Variants in EPN2 observed in about 807,000 individuals in gnomAD.
The protein encoded by EPN2 is epsin-2.
EPN2 carries 34 observed loss-of-function variants against 61.7 expected under a neutral mutation model. That is an observed-to-expected ratio of 0.55 (90% CI 0.42 to 0.73). The LOEUF (loss-of-function observed/expected upper bound fraction) is 0.73, where lower values mean the gene tolerates loss of function less well. EPN2 is among the 30% of genes least tolerant of loss of function. The pLI, the probability that EPN2 is intolerant of heterozygous loss-of-function variation, is 0.00. For missense variants in EPN2, 714 were observed against 839.2 expected, an observed-to-expected ratio of 0.85 and a Z score of 1.84; for synonymous variants, 349 against 353.6, an observed-to-expected ratio of 0.99 and a Z score of 0.15.
At chr17:19,252,079 C>T (rs2045021772) in intron 1 of EPN2, among the ~76,000 whole-genome samples, 1 of 152,102 alleles carries the variant, frequency 6.6e-6, no homozygotes, top group Non-Finnish European at 1.5e-5. Context: ...GTTGCTGCTG[C>T]TCAAGAAGTT....
chr17:19,302,876 C>G (rs762189741), intron 4 of EPN2, among the ~76,000 whole-genome samples: 1 of 152,172 alleles, frequency 6.6e-6, no homozygotes, highest in Non-Finnish European at 1.5e-5. Context: ...CTTGAGGGCC[C>G]GTGCTCTCGT....
chr17:19,325,596 A>G (rs1374770305), intron 7 of EPN2, among the ~76,000 whole-genome samples: 2 of 152,246 alleles, frequency 1.3e-5, no homozygotes, highest in Non-Finnish European at 2.9e-5. Flanking sequence ...GGGCTTCTAA[A>G]AGGAAAAAAG....
chr17:19,325,119 C>G (rs752926004), intron 7 of EPN2, among the ~76,000 whole-genome samples: 2 of 152,140 alleles, frequency 1.3e-5, no homozygotes, highest in Admixed American at 6.5e-5. Context: ...ATTTAAAAAT[C>G]CTCCCCTTCT....
intron 1 of EPN2, chr17:19,280,117 G>A (rs2045346386): frequency 6.6e-6 from 1 of 152,334 alleles, no homozygotes; most frequent in African/African-American, 2.4e-5. Flanking sequence ...AGGATTACAG[G>A]TGTGAGCCAC....
intron 7 of EPN2, among the ~76,000 whole-genome samples, chr17:19,320,153 T>A (rs573483987): frequency 6.6e-6 from 1 of 152,230 alleles, no homozygotes; most frequent in African/African-American, 2.4e-5. Context: ...CAAACTCTTA[T>A]GTATTTTTGA....
At chr17:19,302,854 C>A (rs1905598212) in intron 4 of EPN2, among the ~76,000 whole-genome samples, 1 of 152,196 alleles carries the variant, frequency 6.6e-6, no homozygotes, top group African/African-American at 2.4e-5. Context: ...CAGATCTGAG[C>A]CCAGGCATGG....
At chr17:19,333,536 G>A (rs958602439) in intron 10 of EPN2, among the ~76,000 whole-genome samples, 2 of 152,200 alleles carry the variant, frequency 1.3e-5, no homozygotes, top group Non-Finnish European at 2.9e-5. Flanking sequence ...TGTCATATGT[G>A]GATCCCTGGG....
intron 4 of EPN2, chr17:19,308,688 C>G: frequency 2.0e-6 from 2 of 985,210 alleles, no homozygotes; most frequent in Non-Finnish European, 2.4e-6. Flanking sequence ...GCAGTAGCTC[C>G]AAATCTCTCA....
In EPN2 at chr17:19,285,245, G is replaced by T. The variant is rs1311765069; in HGVS notation, c.596-375G>T. Reference sequence around the variant, plus strand: ...AAGAAGCCAGAGGATGCTAAGCAAGGAGCTGAAACAGCTTCATGTTCCATG... The same window carrying T: ...AAGAAGCCAGAGGATGCTAAGCAAGTAGCTGAAACAGCTTCATGTTCCATG... On this transcript the variant is annotated intron_variant, in intron 3 of 10. Transcript: ENST00000314728. This position sits in a 1 kb window ranked among gnomAD's most constrained non-coding sequence, Gnocchi z 4.5. 1.3e-5 allele frequency among the ~76,000 whole-genome samples: 2 copies of T among 152,192 alleles called. No homozygotes were observed. Among genetic ancestry groups the T allele is most frequent in the African/African-American group, 4.8e-5 (2 of 41,446 alleles).
Position 19,313,183 on chromosome 17 carries a change from G to A in EPN2, c.1051G>A (p.Ala351Thr), listed in dbSNP as rs951729570. The A allele has an allele frequency of 2.5e-6, 4 of 1,613,408 alleles. No individual in the cohort carries two copies. Among genetic ancestry groups the A allele is most frequent in the Non-Finnish European group, 2.5e-6 (3 of 1,179,720 alleles). The part of the protein sequence containing the change: ...LPSSGPAAQK[A>T]EPWGPSASTN... ...CAGCTCGGGCCCCGCGGCCCAGAAA[G>A]CAGAGCCCTGGGGCCCGTCAGCCTC... is the stretch of plus-strand genomic sequence containing the variant. The change falls in exon 7 of 11, where the codon GCA becomes ACA. Residue 351 changes from alanine (A) to threonine (T), a missense_variant. This residue lies in a region of EPN2 where 410 missense variants were observed against 421.8 expected (regional missense o/e 0.97). Coordinates refer to ENST00000314728, the MANE Select transcript of EPN2 (RefSeq NM_014964.5).
intron 4 of EPN2, among the ~76,000 whole-genome samples, chr17:19,295,296 G>A (rs1357032292): frequency 6.6e-6 from 1 of 151,892 alleles, no homozygotes; most frequent in Non-Finnish European, 1.5e-5. Context: ...GCAGGAGTTC[G>A]AGACTAGCCT....
chr17:19,304,870 C>G (rs565393772), intron 4 of EPN2, among the ~76,000 whole-genome samples: 2 of 152,162 alleles, frequency 1.3e-5, no homozygotes, highest in African/African-American at 4.8e-5. Context: ...AGTGCTTGGG[C>G]CCACATGGGG....
intron 1 of EPN2, chr17:19,279,875 C>G (rs1311985888): frequency 6.8e-6 from 1 of 146,836 alleles, no homozygotes; most frequent in Non-Finnish European, 1.5e-5. Flanking sequence ...CTCACTCTAT[C>G]GCCCAGGCTG....
chr17:19,327,371 A>G (rs191070767), intron 7 of EPN2, among the ~76,000 whole-genome samples: 93 of 152,300 alleles, frequency 6.1e-4, no homozygotes, highest in Admixed American at 3.2e-3. Flanking sequence ...TTCTATTCAT[A>G]TAAAGTTCGG....
At chr17:19,241,251 T>C (rs2044881298) in intron 1 of EPN2, among the ~76,000 whole-genome samples, 1 of 152,146 alleles carries the variant, frequency 6.6e-6, no homozygotes, top group Non-Finnish European at 1.5e-5. Flanking sequence ...TCAGATGCAT[T>C]GTGAAATGAA....
chr17:19,248,480 A>G (rs903261495), intron 1 of EPN2: 3 of 152,214 alleles, frequency 2.0e-5, no homozygotes. Context: ...AAAATTTTAA[A>G]TTACATTTCT....
chr17:19,239,901 AC>A (rs2044864584), intron 1 of EPN2, among the ~76,000 whole-genome samples: 1 of 152,178 alleles, frequency 6.6e-6, no homozygotes, highest in Non-Finnish European at 1.5e-5. Flanking sequence ...GTTATCACTA[AC>A]CCTCTTCCAT....
chr17:19,281,489 C>G (rs1021120520), intron 1 of EPN2, among the ~76,000 whole-genome samples: 4 of 152,124 alleles, frequency 2.6e-5, no homozygotes, highest in African/African-American at 9.7e-5. Flanking sequence ...GCTTCTGCCA[C>G]CTTTTGTTTA....
chr17:19,276,773 G>GTTTTTTTTTTTTTT lies in EPN2; in HGVS notation c.-293-5177_-293-5164dup, dbSNP rs80078595. Reference sequence around the variant, plus strand: ...GTCAGTATGTAATTTATGAGAATAAGTTTTTTTTTTTTTTTTTTGCTGTAT... The same window carrying GTTTTTTTTTTTTTT: ...GTCAGTATGTAATTTATGAGAATAAGTTTTTTTTTTTTTTTTTTTTTTTTTTTTTTTTGCTGTAT... On this transcript the variant is annotated intron_variant, in intron 1 of 10. Coordinates refer to ENST00000314728, the MANE Select transcript of EPN2 (RefSeq NM_014964.5). Among the ~76,000 whole-genome samples, 271 of 119,224 alleles carry GTTTTTTTTTTTTTT rather than the reference G, an allele frequency of 2.3e-3. 11 individuals carry two copies. The East Asian group carries it at 0.029, about 13-fold the overall frequency. The allele number at this position is 119,224 out of a possible 152,430, so 78.2% of individuals were successfully genotyped here. A position where few individuals can be genotyped will look rare whatever the true frequency, so the allele number is the denominator to read the frequency against.
Sources: allele counts gnomAD v4.1 joint callset (sites outside exome capture counted in the v4.1 genomes callset), GRCh38; gene constraint gnomAD v4.1.1; regional missense constraint gnomAD v4.1.1; non-coding constraint Gnocchi (gnomAD v3.1); transcripts MANE v1.5; gene names NCBI Gene and HGNC (gene_info 2026-07-23, HGNC 2026-07-21).